The following RAPGEF2 variants were observed in gnomAD, a reference collection of about 807,000 sequenced individuals.
RAPGEF2 encodes the protein PDZ domain containing guanine nucleotide exchange factor (GEF) 1.
Under a neutral mutation model 186.7 loss-of-function variants are expected in RAPGEF2, and 54 were observed. The observed-to-expected ratio is 0.29, with a 90% CI of 0.23 to 0.36. The LOEUF (loss-of-function observed/expected upper bound fraction) is 0.36. Ranked by LOEUF, RAPGEF2 falls within the 10% of genes least tolerant of loss-of-function variation. RAPGEF2 has a pLI of 1.00. For synonymous variants in RAPGEF2, 712 were observed against 705.9 expected (o/e 1.01, Z -0.14); for missense variants, 1,532 against 2,045.0 (o/e 0.75, Z 4.84).
Position 159,103,324 on chromosome 4 carries a change from G to A in RAPGEF2, c.-839G>A, listed in dbSNP as rs1300122312. ...CGACTGGGCCGGAGGGCTGCAGCCCGGGCCGGGTGCTCTGGCCGCGGCGGC... is the reference window on the plus strand; with the variant it reads ...CGACTGGGCCGGAGGGCTGCAGCCCAGGCCGGGTGCTCTGGCCGCGGCGGC... On this transcript the variant is annotated 5_prime_UTR_variant, in exon 1 of 30. Coordinates refer to ENST00000691494, the MANE Select transcript of RAPGEF2 (RefSeq NM_001394067.2). 2 of 151,836 alleles carry A rather than the reference G, an allele frequency of 1.3e-5. No homozygotes were observed. The highest frequency in any genetic ancestry group is 1.3e-4 in the Admixed American group (2 of 15,180). 9.4% of individuals were successfully genotyped at this position (151,836 alleles called of 1,614,324 possible). A position where few individuals can be genotyped will look rare whatever the true frequency, so the allele number is the denominator to read the frequency against.
chr4:159,108,143 C>G (rs1218319970), intron 1 of RAPGEF2, among the ~76,000 whole-genome samples: 1 of 152,156 alleles, frequency 6.6e-6, no homozygotes, highest in Non-Finnish European at 1.5e-5. Context: ...TGGTATGTGA[C>G]TTTGAACAAA....
chr4:159,142,940 T>C (rs1216326131), intron 1 of RAPGEF2, among the ~76,000 whole-genome samples: 2 of 152,330 alleles, frequency 1.3e-5, no homozygotes, highest in East Asian at 3.9e-4. Context: ...TTCTAAAACT[T>C]GTGCTCCTAA....
intron 18 of RAPGEF2, 33 bp from the exon 19 acceptor site, chr4:159,339,081 T>C (rs1767872250): frequency 2.5e-6 from 4 of 1,588,506 alleles, no homozygotes; most frequent in Non-Finnish European, 3.4e-6. Flanking sequence ...TAAAATTCTT[T>C]CTACTTATGT....
intron 2 of RAPGEF2, among the ~76,000 whole-genome samples, chr4:159,189,318 A>G (rs921917277): frequency 6.6e-6 from 1 of 152,214 alleles, no homozygotes; most frequent in East Asian, 1.9e-4. Flanking sequence ...TAAAGTAGAC[A>G]TTACTGTGTT....
chr4:159,214,111 A>G (rs916557238), intron 4 of RAPGEF2, among the ~76,000 whole-genome samples: 2 of 152,226 alleles, frequency 1.3e-5, no homozygotes, highest in Non-Finnish European at 2.9e-5. Flanking sequence ...ATCAAAGGTA[A>G]TTTAAGAATG....
Position 159,324,097 on chromosome 4 carries a change from A to G in RAPGEF2, c.1149+480A>G, listed in dbSNP as rs1024178590. Among the ~76,000 whole-genome samples, 3 of 151,414 alleles carry G rather than the reference A, an allele frequency of 2.0e-5. No homozygotes were observed. The East Asian group carries it at 5.9e-4, about 30-fold the overall frequency. On this transcript the variant is annotated intron_variant, in intron 11 of 29. Coordinates refer to ENST00000691494, the MANE Select transcript of RAPGEF2 (RefSeq NM_001394067.2). ...TTTGTAGTAGAGATGGGGTTTCACC[A>G]TATTGGCCATGCTGGTCTCAAACTC...
chr4:159,106,972 A>G (rs1284152641), intron 1 of RAPGEF2, among the ~76,000 whole-genome samples: 4 of 152,174 alleles, frequency 2.6e-5, no homozygotes, highest in Admixed American at 2.0e-4. Context: ...AATAGTAAGG[A>G]GAAATACCAA....
chr4:159,302,811 T>G (rs988358133), intron 7 of RAPGEF2, among the ~76,000 whole-genome samples: 1 of 151,910 alleles, frequency 6.6e-6, no homozygotes, highest in Non-Finnish European at 1.5e-5. Context: ...ATTATTATAC[T>G]GTAAGTTTTA....
intron 11 of RAPGEF2, chr4:159,328,773 T>G (rs1020699306): frequency 1.3e-5 from 2 of 152,204 alleles, no homozygotes; most frequent in Admixed American, 6.5e-5. Flanking sequence ...CCTCATGGTT[T>G]GATTAGGAGG....
In RAPGEF2 at chr4:159,346,820, C is replaced by A. The variant is rs538079783; in HGVS notation, c.3534C>A (p.Val1178=). Reference sequence around the variant, plus strand: ...AGAATCCTGGTGACAAAAAGCCTGTCAAATCCGAGACCTCTCCAGTAGCTC... The same window carrying A: ...AGAATCCTGGTGACAAAAAGCCTGTAAAATCCGAGACCTCTCCAGTAGCTC... ...LPKNPGDKKP[V]KSETSPVAPR... Residue 1178 remains valine, a synonymous_variant, in exon 25 of 30, where the codon GTC becomes GTA. Coordinates refer to ENST00000691494, the MANE Select transcript of RAPGEF2 (RefSeq NM_001394067.2). The A allele has an allele frequency of 2.4e-5, 39 of 1,614,128 alleles. No homozygotes were observed. The highest frequency in any genetic ancestry group is 3.1e-5 in the Non-Finnish European group (36 of 1,180,034).
chr4:159,244,650 G>A (rs1458799072), intron 7 of RAPGEF2, among the ~76,000 whole-genome samples: 1 of 151,866 alleles, frequency 6.6e-6, no homozygotes, highest in Non-Finnish European at 1.5e-5. Context: ...GTTGTACAGG[G>A]AAAAGATCAT....
At chr4:159,273,582 G>A (rs775070646) in intron 7 of RAPGEF2, among the ~76,000 whole-genome samples, 1 of 152,028 alleles carries the variant, frequency 6.6e-6, no homozygotes, top group Non-Finnish European at 1.5e-5. Flanking sequence ...TAGGAATTCA[G>A]TTATTCTCCT....
At chr4:159,107,942 G>A (rs1378316806) in intron 1 of RAPGEF2, among the ~76,000 whole-genome samples, 1 of 151,892 alleles carries the variant, frequency 6.6e-6, no homozygotes, top group Non-Finnish European at 1.5e-5. Context: ...GCCCATTTTG[G>A]GGCTCTAGTA....
chr4:159,181,204 T>C (rs1261973320), intron 1 of RAPGEF2, among the ~76,000 whole-genome samples: 2 of 152,170 alleles, frequency 1.3e-5, no homozygotes, highest in African/African-American at 4.8e-5. Context: ...GTTGAAGGCG[T>C]AGAAACTTGA....
At chr4:159,309,787 C>G (rs994386860) in intron 8 of RAPGEF2, among the ~76,000 whole-genome samples, 3 of 152,048 alleles carry the variant, frequency 2.0e-5, no homozygotes, top group Admixed American at 6.6e-5. Context: ...ATAGATAGAT[C>G]AATAGAACAG....
intron 3 of RAPGEF2, among the ~76,000 whole-genome samples, chr4:159,207,952 A>C (rs911076808): frequency 6.6e-6 from 1 of 152,274 alleles, no homozygotes; most frequent in Non-Finnish European, 1.5e-5. Context: ...GCAAGAGCTA[A>C]TGATTAAAAA....
chr4:159,339,330 C>G lies in RAPGEF2; in HGVS notation c.2510C>G (p.Ala837Gly), dbSNP rs758679558. Residue 837 changes from alanine (A) to glycine (G), a missense_variant, in exon 19 of 30, where the codon GCA becomes GGA. Transcript: ENST00000691494. ...CTTCCAGATCAGCTTTCCAAACTTG[C>G]AGACAGAATACAACTGAGTGGAAGG... ...RRLPDQLSKL[A>G]DRIQLSGRYY... The G allele has an allele frequency of 1.9e-6, 3 of 1,613,950 alleles. No homozygotes were observed. Among genetic ancestry groups the G allele is most frequent in the Admixed American group, 1.7e-5 (1 of 59,998 alleles).
intron 1 of RAPGEF2, among the ~76,000 whole-genome samples, chr4:159,129,451 T>C (rs1740758918): frequency 6.6e-6 from 1 of 152,202 alleles, no homozygotes; most frequent in South Asian, 2.1e-4. Context: ...AGAAAAGCAG[T>C]TGTCATTTAT....
At chr4:159,195,378 T>C (rs148056460) in intron 3 of RAPGEF2, among the ~76,000 whole-genome samples, 27 of 152,372 alleles carry the variant, frequency 1.8e-4, no homozygotes, top group African/African-American at 5.3e-4. Flanking sequence ...TCTAGTATTT[T>C]GTCTTCCTCT....
Sources: allele counts gnomAD v4.1 joint callset (sites outside exome capture counted in the v4.1 genomes callset), GRCh38; gene constraint gnomAD v4.1.1; transcripts MANE v1.5; gene names NCBI Gene and HGNC (gene_info 2026-07-23, HGNC 2026-07-21).